RBFOX1: variants seen among roughly 807,000 people sequenced by gnomAD.
The protein encoded by RBFOX1 is RNA binding protein fox-1 homolog 1.
A neutral mutation model predicts 57.7 loss-of-function variants in RBFOX1; 8 were observed. The ratio of observed to expected loss-of-function variants is 0.14; its 90% CI spans 0.08 to 0.25. RBFOX1 has a LOEUF of 0.25. RBFOX1 is among the 10% of genes least tolerant of loss of function. The probability of loss-of-function intolerance (pLI) is 1.00; values close to 1 mark genes in which losing one functional copy is unlikely to be tolerated. For synonymous variants in RBFOX1, 326 were observed against 222.4 expected, an observed-to-expected ratio of 1.47 and a Z score of -4.15; for missense variants, 611 against 548.5, an observed-to-expected ratio of 1.11 and a Z score of -1.14.
Position 6,861,823 on chromosome 16 carries a change from G to GTTTTTTTTTTTTTTTTTTTT in RBFOX1, c.-15-190232_-15-190213dup, listed in dbSNP as rs35138717. 8.0e-4 allele frequency among the ~76,000 whole-genome samples: 74 copies of GTTTTTTTTTTTTTTTTTTTT among 92,446 alleles called. 1 individual carries two copies. The highest frequency in any genetic ancestry group is 1.1e-3 in the East Asian group (3 of 2,770). The allele number at this position is 92,446 out of a possible 152,430, so 60.6% of individuals were successfully genotyped here. A position where few individuals can be genotyped will look rare whatever the true frequency, so the allele number is the denominator to read the frequency against. ...CCTCTTTCCTAGCCAGCGTCCCTTG[G>GTTTTTTTTTTTTTTTTTTTT]TTTTTTTTTTTTTTTTTTTTTGGTT... On this transcript the variant is annotated intron_variant, in intron 3 of 15. Transcript: ENST00000550418.
chr16:5,959,551 C>G (rs1264247812), intron 4 of RBFOX1, among the ~76,000 whole-genome samples: 3 of 152,120 alleles, frequency 2.0e-5, no homozygotes, highest in African/African-American at 4.8e-5. Context: ...AAGTCCAAAA[C>G]AGAATTTCTT....
intron 3 of RBFOX1, among the ~76,000 whole-genome samples, chr16:5,745,119 T>C (rs776077705): frequency 6.6e-6 from 1 of 151,960 alleles, no homozygotes; most frequent in Non-Finnish European, 1.5e-5. Context: ...CAGGCCCCGG[T>C]GTGTGATGTT....
At chr16:5,372,171 A>G (rs1352398283) in intron 1 of RBFOX1, among the ~76,000 whole-genome samples, 1 of 152,108 alleles carries the variant, frequency 6.6e-6, no homozygotes, top group African/African-American at 2.4e-5. Context: ...TTAGGTCAAT[A>G]TTTGATGGCT....
At chr16:6,896,445 A>G (rs955357294) in intron 3 of RBFOX1, among the ~76,000 whole-genome samples, 2 of 152,170 alleles carry the variant, frequency 1.3e-5, no homozygotes, top group East Asian at 3.9e-4. Flanking sequence ...CCTGGTAACT[A>G]TCCTTCTACT....
rs528137951 is a variant in RBFOX1 at position 7,026,893 on chromosome 16, G to A, written c.-15-25164G>A. On this transcript the variant is annotated intron_variant, in intron 3 of 15. Coordinates refer to ENST00000550418, the MANE Select transcript of RBFOX1 (RefSeq NM_018723.4). ...GCAAGGGAGGGCTTTGCTTAGAGCA[G>A]CCTGTGCCCCGTAGGGTAATACCGG... 5.3e-5 allele frequency among the ~76,000 whole-genome samples: 8 copies of A among 152,304 alleles called. No individual in the cohort carries two copies. In the East Asian group the frequency reaches 9.7e-4, roughly 18 times the overall value.
chr16:6,426,923 T>C (rs2093945725), intron 2 of RBFOX1, among the ~76,000 whole-genome samples: 1 of 152,172 alleles, frequency 6.6e-6, no homozygotes, highest in Non-Finnish European at 1.5e-5. Context: ...CTTTCGTTAA[T>C]GTCCTGAAAC....
At chr16:7,014,973 C>T (rs1229617422) in intron 3 of RBFOX1, among the ~76,000 whole-genome samples, 1 of 152,158 alleles carries the variant, frequency 6.6e-6, no homozygotes, top group Non-Finnish European at 1.5e-5. Context: ...ATATACCCGC[C>T]TGGACCTCCC....
At chr16:6,257,619 A>G (rs536414461) in intron 1 of RBFOX1, among the ~76,000 whole-genome samples, 39 of 152,120 alleles carry the variant, frequency 2.6e-4, no homozygotes, top group Non-Finnish European at 4.1e-4. Context: ...GTTCCCTTCT[A>G]TGTGTCCATG....
intron 5 of RBFOX1, among the ~76,000 whole-genome samples, chr16:7,545,132 C>G (rs1325739923): frequency 6.6e-6 from 1 of 152,188 alleles, no homozygotes; most frequent in African/African-American, 2.4e-5. Context: ...TAGGGTCCCT[C>G]TGCCTTGCTG....
chr16:7,252,054 G>A (rs1362108534), intron 4 of RBFOX1, among the ~76,000 whole-genome samples: 1 of 152,164 alleles, frequency 6.6e-6, no homozygotes, highest in African/African-American at 2.4e-5. Flanking sequence ...AGGATATTGT[G>A]TTCTAGCACA....
chr16:6,482,377 G>A (rs1157664723), intron 2 of RBFOX1, among the ~76,000 whole-genome samples: 1 of 152,154 alleles, frequency 6.6e-6, no homozygotes, highest in Non-Finnish European at 1.5e-5. Context: ...CATTTCCCCA[G>A]CCAATTAATT....
intron 2 of RBFOX1, among the ~76,000 whole-genome samples, chr16:6,350,333 C>T (rs991159862): frequency 2.6e-5 from 4 of 151,164 alleles, no homozygotes; most frequent in Admixed American, 6.6e-5. Context: ...ACTATCTACT[C>T]GGGAGGCTGA....
chr16:6,883,403 C>G (rs966025841), intron 3 of RBFOX1, among the ~76,000 whole-genome samples: 6 of 152,102 alleles, frequency 3.9e-5, no homozygotes, highest in African/African-American at 1.2e-4. Flanking sequence ...ATTTCAAAAT[C>G]CAATCAACTT....
At chr16:6,245,841 C>T (rs1181003103) in intron 1 of RBFOX1, among the ~76,000 whole-genome samples, 2 of 152,170 alleles carry the variant, frequency 1.3e-5, no homozygotes, top group African/African-American at 4.8e-5. Context: ...TTGGTCATTC[C>T]CTGCCTTCAT....
At chr16:7,486,057 C>T (rs570525605) in intron 4 of RBFOX1, among the ~76,000 whole-genome samples, 1 of 151,120 alleles carries the variant, frequency 6.6e-6, no homozygotes, top group African/African-American at 2.4e-5. Flanking sequence ...TTCTTCTGTG[C>T]TACCACTTGG....
rs1342391282 is a variant in RBFOX1, at chr16:6,661,846, A to G, written c.-16+7196A>G. Among the ~76,000 whole-genome samples the G allele has an allele frequency of 2.0e-5, 3 of 152,276 alleles. No individual in the cohort carries two copies. In the East Asian group the frequency reaches 5.8e-4, roughly 29 times the overall value. Reference sequence around the variant, plus strand: ...GGATTATTTGGTAGTTCAACTTCTAATTTTTTGAAGGACCTCTATACTGTT... The same window carrying G: ...GGATTATTTGGTAGTTCAACTTCTAGTTTTTTGAAGGACCTCTATACTGTT... On this transcript the variant is annotated intron_variant, in intron 3 of 15. Transcript: ENST00000550418.
chr16:6,337,347 A>C (rs2191423), intron 2 of RBFOX1, among the ~76,000 whole-genome samples: 97,379 of 152,084 alleles, frequency 0.64, 33,510 homozygotes, highest in African/African-American at 0.91. Context: ...AGCAGCGAAT[A>C]TGGGGTGAGT....
intron 3 of RBFOX1, among the ~76,000 whole-genome samples, chr16:7,000,478 T>A (rs1447085492): frequency 6.6e-6 from 1 of 152,158 alleles, no homozygotes; most frequent in Non-Finnish European, 1.5e-5. Flanking sequence ...TTCTTTCTTC[T>A]TTATATTTTC....
At chr16:7,179,254 A>C (rs144831138) in intron 4 of RBFOX1, among the ~76,000 whole-genome samples, 131 of 151,840 alleles carry the variant, frequency 8.6e-4, no homozygotes, top group African/African-American at 3.1e-3. Context: ...GAAAATACTT[A>C]AGTTATCCTT....
Sources: allele counts gnomAD v4.1 joint callset (sites outside exome capture counted in the v4.1 genomes callset), GRCh38; gene constraint gnomAD v4.1.1; transcripts MANE v1.5; gene names NCBI Gene and HGNC (gene_info 2026-07-23, HGNC 2026-07-21).